Variants in IQCE observed in about 807,000 individuals in gnomAD.
The protein encoded by IQCE is IQ motif containing E.
A neutral mutation model predicts 96.0 loss-of-function variants in IQCE; 115 were observed. That is an observed-to-expected ratio of 1.20 (90% CI 1.03 to 1.40). IQCE has a LOEUF of 1.40. Ranked by LOEUF, IQCE falls within the 40% of genes most tolerant of loss-of-function variation. The probability of loss-of-function intolerance (pLI) is 0.00; values close to 1 mark genes in which losing one functional copy is unlikely to be tolerated. For missense variants in IQCE, 1,041 were observed against 909.1 expected (o/e 1.15, Z -1.87); for synonymous variants, 412 against 371.2 (o/e 1.11, Z -1.26).
At chr7:2,560,106 A>G (rs1780830579) in intron 1 of IQCE, among the ~76,000 whole-genome samples, 2 of 152,046 alleles carry the variant, frequency 1.3e-5, no homozygotes, top group Non-Finnish European at 2.9e-5. Context: ...GCTACAGTGA[A>G]CTGTGATCAT....
At chr7:2,605,546 G>C (rs1284556936) in intron 19 of IQCE, among the ~76,000 whole-genome samples, 1 of 152,098 alleles carries the variant, frequency 6.6e-6, no homozygotes, top group Non-Finnish European at 1.5e-5. Flanking sequence ...GGTGAACCCG[G>C]AAGGCGGAGC....
intron 8 of IQCE, among the ~76,000 whole-genome samples, chr7:2,579,729 G>GTGTGTCTGTGTC (rs201362185): frequency 6.8e-6 from 1 of 147,812 alleles, no homozygotes; most frequent in African/African-American, 2.5e-5. Flanking sequence ...GTGTGTGTGT[G>GTGTGTCTGTGTC]TGTGTGTGTC....
At chr7:2,573,769 A>T (rs1415311116) in intron 6 of IQCE, among the ~76,000 whole-genome samples, 3 of 152,248 alleles carry the variant, frequency 2.0e-5, no homozygotes, top group Non-Finnish European at 4.4e-5. Flanking sequence ...TTAGCTTCAG[A>T]GTCGCCTTGC....
intron 13 of IQCE, 140 bp downstream of exon 13, chr7:2,588,017 A>C: frequency 2.5e-6 from 2 of 802,164 alleles, no homozygotes; most frequent in Non-Finnish European, 4.2e-6. Context: ...CCGCAAGGAG[A>C]CTTCTTCCAG....
chr7:2,569,145 T>G, intron 3 of IQCE, 146 bp downstream of exon 3: 1 of 726,732 alleles, frequency 1.4e-6, no homozygotes, highest in Non-Finnish European at 2.3e-6. Flanking sequence ...GTCTCCCAGT[T>G]CGCGCTGGAG....
At chr7:2,596,864 G>T (rs2128465042) in intron 16 of IQCE, 1 of 426,286 alleles carries the variant, frequency 2.3e-6, no homozygotes, top group East Asian at 7.2e-5. Context: ...GAAGCCAAGG[G>T]CCGGAATGCT....
intron 14 of IQCE, among the ~76,000 whole-genome samples, chr7:2,592,360 A>G (rs539713957): frequency 1.1e-4 from 17 of 152,162 alleles, no homozygotes; most frequent in Non-Finnish European, 1.9e-4. Flanking sequence ...TGAAAGGTAA[A>G]TCACTTCTGG....
intron 6 of IQCE, among the ~76,000 whole-genome samples, chr7:2,575,509 C>T (rs551737336): frequency 1.3e-5 from 2 of 152,372 alleles, no homozygotes; most frequent in Admixed American, 6.5e-5. Context: ...ATGGTCCCGA[C>T]TCTGCCCGAC....
At chr7:2,596,281 GAGAA>G (rs1034571182) in intron 16 of IQCE, among the ~76,000 whole-genome samples, 14 of 149,650 alleles carry the variant, frequency 9.4e-5, no homozygotes, top group Non-Finnish European at 1.5e-4. Flanking sequence ...AAAAGAAAGA[GAGAA>G]AGAGAAAAGA....
Position 2,589,954 on chromosome 7 carries a change from C to T in IQCE, c.1092C>T (p.Val364=). 6.2e-7 allele frequency: 1 copy of T among 1,613,972 alleles called. No homozygotes were observed. Among genetic ancestry groups the T allele is most frequent in the Non-Finnish European group, 8.5e-7 (1 of 1,180,036 alleles). ...CAAAATCACACGCCGCAGAGCCAGT[C>T]AGATCACACCCGCCAGCCTGCCTTG... The part of the protein sequence containing the change: ...ESSKSHAAEP[V]RSHPPACLAS... Residue 364 remains valine, a synonymous_variant, in exon 14 of 22, where the codon GTC becomes GTT. Transcript: ENST00000402050.
intron 13 of IQCE, among the ~76,000 whole-genome samples, chr7:2,588,401 T>C (rs1783301212): frequency 6.6e-6 from 1 of 151,774 alleles, no homozygotes; most frequent in South Asian, 2.1e-4. Context: ...GTCCCCAGGC[T>C]GGAGTGCAGT....
intron 16 of IQCE, among the ~76,000 whole-genome samples, chr7:2,597,709 C>T (rs2128465864): frequency 6.6e-6 from 1 of 152,306 alleles, no homozygotes; most frequent in Non-Finnish European, 1.5e-5. Flanking sequence ...ACTCTGTTGC[C>T]CAGGCTCGAC....
At chr7:2,579,104 T>G (rs1266883498) in intron 8 of IQCE, among the ~76,000 whole-genome samples, 1 of 151,376 alleles carries the variant, frequency 6.6e-6, no homozygotes, top group Non-Finnish European at 1.5e-5. Context: ...ATAACGTCCT[T>G]CAGATAGATC....
At chr7:2,582,876 G>C (rs1159581136) in intron 9 of IQCE, among the ~76,000 whole-genome samples, 1 of 152,126 alleles carries the variant, frequency 6.6e-6, no homozygotes. Flanking sequence ...CTCGAAACCT[G>C]CTTGTTCTGT....
At chr7:2,567,214 C>G in intron 2 of IQCE, 51 bp downstream of exon 2, 1 of 1,449,536 alleles carries the variant, frequency 6.9e-7, no homozygotes. Flanking sequence ...TTGCGCTGCC[C>G]TTGCAGACTG....
In IQCE at chr7:2,578,506, A is replaced by G; in HGVS notation, c.610A>G (p.Lys204Glu). 6.2e-7 allele frequency: 1 copy of G among 1,614,172 alleles called. No individual in the cohort carries two copies. Among genetic ancestry groups the G allele is most frequent in the Non-Finnish European group, 8.5e-7 (1 of 1,180,014 alleles). ...GTDFVRTLAE[K>E]RPDASWVING... The stretch of plus-strand genomic sequence containing the variant: ...GGATTTTGTTCGGACTCTGGCAGAG[A>G]AAAGGCCCGATGCCAGTTGGGTGAG... Residue 204 changes from lysine (K) to glutamate (E), a missense_variant, in exon 8 of 22, where the codon AAA (lysine) becomes GAA (glutamate). Physicochemically the swap from Lys to Glu is moderately conservative, Grantham distance 56. Coordinates refer to ENST00000402050, the MANE Select transcript of IQCE (RefSeq NM_152558.5).
Position 2,559,230 on chromosome 7 carries a change from G to A in IQCE, c.36+13G>A. ...GGCCTTGGACACGGTAAGAACGGGC[G>A]AGGGGGCGACGCCGGGCGGGCGTCC... On this transcript the variant is annotated intron_variant, in intron 1 of 21. Transcript: ENST00000402050. 8.2e-7 allele frequency: 1 copy of A among 1,212,726 alleles called. No individual in the cohort carries two copies. The highest frequency in any genetic ancestry group is 1.0e-6 in the Non-Finnish European group (1 of 974,784). 75.1% of individuals were successfully genotyped at this position (1,212,726 alleles called of 1,614,324 possible).
rs752309602 is a variant in IQCE, at chr7:2,610,162, GGTCCCCGTCACT to G, written c.*4_*15del. On this transcript the variant is annotated 3_prime_UTR_variant, in exon 22 of 22. Coordinates refer to ENST00000402050, the MANE Select transcript of IQCE (RefSeq NM_152558.5). Reference sequence around the variant, plus strand: ...TGCCCACGAAGAACTTTCCAGTTTAGGTCCCCGTCACTGTCTCCACGCCGTGATGGCAGCGCT... The same window carrying G: ...TGCCCACGAAGAACTTTCCAGTTTAGGTCTCCACGCCGTGATGGCAGCGCT... 20 of 1,562,212 alleles carry G rather than the reference GGTCCCCGTCACT, an allele frequency of 1.3e-5. No homozygotes were observed. Among genetic ancestry groups the G allele is most frequent in the Middle Eastern group, 1.7e-4 (1 of 5,990 alleles).
In IQCE at chr7:2,559,506, G is replaced by C. The variant is rs1436494749; in HGVS notation, c.36+289G>C. On this transcript the variant is annotated intron_variant, in intron 1 of 21. Transcript: ENST00000402050. ...GCCTGCGAGTCTGCGGCCCGCAGGT[G>C]ACGGAGCTCACGGTGTAAGTGCCTC... The C allele has an allele frequency of 1.8e-5, 4 of 220,814 alleles. No homozygotes were observed. In the Admixed American group the frequency reaches 2.4e-4, roughly 13 times the overall value. The allele number at this position is 220,814 out of a possible 1,614,324, so 13.7% of individuals were successfully genotyped here. A position where few individuals can be genotyped will look rare whatever the true frequency, so the allele number is the denominator to read the frequency against.
Sources: allele counts gnomAD v4.1 joint callset (sites outside exome capture counted in the v4.1 genomes callset), GRCh38; gene constraint gnomAD v4.1.1; transcripts MANE v1.5; gene names NCBI Gene and HGNC (gene_info 2026-07-23, HGNC 2026-07-21).